AP4E1: variants seen among roughly 807,000 people sequenced by gnomAD.
The protein encoded by AP4E1 is AP-4 complex subunit epsilon-1.
Under a neutral mutation model 128.2 loss-of-function variants are expected in AP4E1, and 56 were observed. The ratio of observed to expected loss-of-function variants is 0.44; its 90% CI spans 0.35 to 0.55. The LOEUF is 0.55. AP4E1 is among the 20% of genes least tolerant of loss of function. The pLI is 0.00. For synonymous variants in AP4E1, 484 were observed against 473.1 expected (o/e 1.02, Z -0.30); for missense variants, 1,324 against 1,307.7 (o/e 1.01, Z -0.19).
intron 16 of AP4E1, among the ~76,000 whole-genome samples, chr15:50,990,026 T>C (rs1163092071): frequency 6.6e-6 from 1 of 152,154 alleles, no homozygotes. Flanking sequence ...GTCTAATTTA[T>C]AATTTCTTAA....
In AP4E1 at chr15:51,002,609, A is replaced by G. The variant is rs781361633; in HGVS notation, c.3361A>G (p.Thr1121Ala). The G allele has an allele frequency of 1.2e-6, 2 of 1,613,906 alleles. No homozygotes were observed. The highest frequency in any genetic ancestry group is 1.7e-6 in the Non-Finnish European group (2 of 1,179,964). Residue 1121 changes from threonine (T) to alanine (A), a missense_variant, in exon 21 of 21, where the codon ACT becomes GCT. Coordinates refer to ENST00000261842, the MANE Select transcript of AP4E1 (RefSeq NM_007347.5). ...CCTGTGGTTCAGATCCTCCTGTTCT[A>G]CTCTTCCTGACTATTTACTGTATCA... ...LALWFRSSCS[T>A]LPDYLLYQCQ... is the part of the protein sequence containing the mutation.
At position 50,968,347 on chromosome 15, in the gene AP4E1, C is replaced by T. The variant is rs199542290; in HGVS notation, c.1936C>T (p.Arg646Cys). ...AGCGCCTTACAAACCTCCCCATCAA[C>T]GCCAGGAGGAAAAGCTTTCTCAGGA... ...GAAPYKPPHQ[R>C]QEEKLSQEKV... Residue 646 changes from arginine to cysteine, a missense_variant, in exon 15 of 21, where the codon CGC becomes TGC. Transcript: ENST00000261842. 46 of 1,613,312 alleles carry T rather than the reference C, an allele frequency of 2.9e-5. No individual in the cohort carries two copies. The highest frequency in any genetic ancestry group is 1.7e-4 in the Middle Eastern group (1 of 6,060).
At position 50,941,652 on chromosome 15, in the gene AP4E1, G is replaced by T. The variant is rs1187366588; in HGVS notation, c.1067-14G>T. ...TGTTTCAATTCACTTTGTATAATGT[G>T]TCTTTGTTTCTAGGACTGAAGGCTC... On this transcript the variant is annotated splice_polypyrimidine_tract_variant and intron_variant, in intron 9 of 20. Coordinates refer to ENST00000261842, the MANE Select transcript of AP4E1 (RefSeq NM_007347.5). 1.9e-6 allele frequency: 3 copies of T among 1,612,202 alleles called. No individual in the cohort carries two copies. The African/African-American group carries it at 4.0e-5, about 22-fold the overall frequency.
At chr15:50,924,744 A>T (rs560497850) in intron 4 of AP4E1, among the ~76,000 whole-genome samples, 1 of 152,304 alleles carries the variant, frequency 6.6e-6, no homozygotes, top group East Asian at 1.9e-4. Flanking sequence ...ACTTCCTTTT[A>T]AACTTACATT....
intron 13 of AP4E1, among the ~76,000 whole-genome samples, 180 bp from the exon 14 acceptor site, chr15:50,958,312 A>G (rs2140877399): frequency 6.6e-6 from 1 of 152,334 alleles, no homozygotes; most frequent in Admixed American, 6.5e-5. Flanking sequence ...GCCATTTTGA[A>G]TTATTGGTAT....
intron 7 of AP4E1, among the ~76,000 whole-genome samples, chr15:50,933,468 C>T (rs576566439): frequency 6.6e-6 from 1 of 152,066 alleles, no homozygotes. Flanking sequence ...TTATCTTGAT[C>T]TTGTTCACAA....
chr15:51,000,894 T>C (rs1186609676), intron 19 of AP4E1, 132 bp from the exon 20 acceptor site: 8 of 716,116 alleles, frequency 1.1e-5, no homozygotes, highest in Non-Finnish European at 1.9e-5. Flanking sequence ...GCATATTTGG[T>C]TTAAAGACAT....
Position 51,002,869 on chromosome 15 carries a change from A to G in AP4E1, c.*207A>G. ...TAACTCAGGATTGTACAGTATGTTTAGGTCCCTCAAAAAGTGACCTAAGCT... is the reference window on the plus strand; with the variant it reads ...TAACTCAGGATTGTACAGTATGTTTGGGTCCCTCAAAAAGTGACCTAAGCT... On this transcript the variant is annotated 3_prime_UTR_variant, in exon 21 of 21. Transcript: ENST00000261842. 1.7e-6 allele frequency: 1 copy of G among 601,512 alleles called. No homozygotes were observed. Among genetic ancestry groups the G allele is most frequent in the Non-Finnish European group, 2.8e-6 (1 of 350,880 alleles). The allele number at this position is 601,512 out of a possible 1,614,324, so 37.3% of individuals were successfully genotyped here. A position where few individuals can be genotyped will look rare whatever the true frequency, so the allele number is the denominator to read the frequency against.
chr15:50,939,885 A>T (rs2063959413), intron 8 of AP4E1, among the ~76,000 whole-genome samples: 1 of 152,222 alleles, frequency 6.6e-6, no homozygotes, highest in South Asian at 2.1e-4. Flanking sequence ...TTTTTCTGAA[A>T]AGAGGGCCAG....
chr15:50,997,805 G>C lies in AP4E1; in HGVS notation c.2826G>C (p.Met942Ile). Residue 942 changes from methionine to isoleucine, a missense_variant, in exon 18 of 21, where the codon ATG becomes ATC. Physicochemically the swap from Met to Ile is conservative, Grantham distance 10. Transcript: ENST00000261842. ...TTTGGAAAGATGATTGTTTATTGAT[G>C]GTCTGGTCAGTCACTAATAAGAGTG... Reference protein sequence around the residue: ...YKIWKDDCLLMVWSVTNKSGL... With the variant: ...YKIWKDDCLLIVWSVTNKSGL... The C allele has an allele frequency of 6.2e-7, 1 of 1,607,714 alleles. No homozygotes were observed. The highest frequency in any genetic ancestry group is 8.5e-7 in the Non-Finnish European group (1 of 1,176,278).
In AP4E1 at chr15:50,999,150, G is replaced by A. The variant is rs1447122441; in HGVS notation, c.2983G>A (p.Glu995Lys). 6.2e-6 allele frequency: 10 copies of A among 1,613,836 alleles called. No homozygotes were observed. Among genetic ancestry groups the A allele is most frequent in the Non-Finnish European group, 7.6e-6 (9 of 1,179,958 alleles). ...TKSFQYSVQI[E>K]KPFTEGNLTG... ...AAGCTTTCAATATAGTGTGCAGATA[G>A]AAAAACCTTTTACAGAAGGAAATCT... Residue 995 changes from glutamate to lysine, a missense_variant, in exon 19 of 21, where the codon GAA becomes AAA. Glu to Lys is a moderately conservative substitution (Grantham distance 56). Coordinates refer to ENST00000261842, the MANE Select transcript of AP4E1 (RefSeq NM_007347.5).
chr15:50,984,359 G>C (rs1387843950), intron 16 of AP4E1, among the ~76,000 whole-genome samples: 1 of 151,810 alleles, frequency 6.6e-6, no homozygotes, highest in African/African-American at 2.4e-5. Flanking sequence ...ACAACGTGCA[G>C]GTTTGTTACA....
chr15:50,973,103 T>C (rs2064504598), intron 15 of AP4E1, among the ~76,000 whole-genome samples: 1 of 152,344 alleles, frequency 6.6e-6, no homozygotes, highest in South Asian at 2.1e-4. Context: ...AAGGGAAGTA[T>C]GCATATGAAT....
At position 50,977,706 on chromosome 15, in the gene AP4E1, G is replaced by GTTTTT. The variant is rs1401774266; in HGVS notation, c.1967-6300_1967-6296dup. ...ATCTTTTAATTATCAATCTGTTATG[G>GTTTTT]TTTTTTTTTTTTTTTTTTTTAGACA... On this transcript the variant is annotated intron_variant, in intron 15 of 20. Coordinates refer to ENST00000261842, the MANE Select transcript of AP4E1 (RefSeq NM_007347.5). Among the ~76,000 whole-genome samples, 8 of 80,282 alleles carry GTTTTT rather than the reference G, an allele frequency of 1.0e-4. 1 individual carries two copies. Among genetic ancestry groups the GTTTTT allele is most frequent in the Non-Finnish European group, 1.6e-4 (6 of 38,304 alleles). 52.7% of individuals were successfully genotyped at this position (80,282 alleles called of 152,430 possible). A position where few individuals can be genotyped will look rare whatever the true frequency, so the allele number is the denominator to read the frequency against.
At chr15:50,922,905 G>A (rs1048990095) in intron 3 of AP4E1, among the ~76,000 whole-genome samples, 5 of 151,890 alleles carry the variant, frequency 3.3e-5, no homozygotes, top group African/African-American at 9.7e-5. Flanking sequence ...AGCCTCCCGA[G>A]TAGCTGGGAC....
chr15:50,932,493 C>T (rs1226459805), intron 7 of AP4E1, among the ~76,000 whole-genome samples: 1 of 152,160 alleles, frequency 6.6e-6, no homozygotes, highest in Non-Finnish European at 1.5e-5. Flanking sequence ...GAGCAAGCCC[C>T]TTGAGATTTT....
chr15:50,998,648 G>C (rs1339868349), intron 18 of AP4E1, among the ~76,000 whole-genome samples: 3 of 151,940 alleles, frequency 2.0e-5, no homozygotes, highest in African/African-American at 7.3e-5. Flanking sequence ...AGAATCATCT[G>C]TGGAACTTAA....
chr15:50,946,124 T>G (rs2064058740), intron 10 of AP4E1: 1 of 538,958 alleles, frequency 1.9e-6, no homozygotes, highest in Non-Finnish European at 3.3e-6. Context: ...GCTTTATTGT[T>G]GCTCCTTTTA....
chr15:50,948,956 G>A (rs1374345522), intron 11 of AP4E1, among the ~76,000 whole-genome samples: 3 of 145,878 alleles, frequency 2.1e-5, no homozygotes, highest in Non-Finnish European at 3.0e-5. Context: ...TGGGCAACAA[G>A]AGCGAAACTC....
Sources: gnomAD v4.1 joint callset for allele counts (sites outside exome capture counted in the v4.1 genomes callset) on GRCh38, gnomAD v4.1.1 for gene constraint, MANE v1.5 for transcripts, NCBI Gene and HGNC (gene_info 2026-07-23, HGNC 2026-07-21) for gene names.